CAMSAP2: variants seen among roughly 807,000 people sequenced by gnomAD.
CAMSAP2 encodes calmodulin-regulated spectrin-associated protein 2.
CAMSAP2 carries 26 observed loss-of-function variants against 146.1 expected under a neutral mutation model. The observed-to-expected ratio is 0.18, with a 90% CI of 0.13 to 0.25. CAMSAP2 has a LOEUF of 0.25. Ranked by LOEUF, CAMSAP2 falls within the 10% of genes least tolerant of loss-of-function variation. CAMSAP2 has a pLI of 1.00. For synonymous variants in CAMSAP2, 499 were observed against 596.6 expected (o/e 0.84, Z 2.38); for missense variants, 1,381 against 1,759.3 (o/e 0.78, Z 3.85).
Position 200,857,545 on chromosome 1 carries a change from G to A in CAMSAP2, c.4131+121G>A. ...CATGTAAAAAGATCTGTAGCTAGAT[G>A]TTTTAATTATCAGATTTAGTTTATT... On this transcript the variant is annotated intron_variant, in intron 16 of 16. Coordinates refer to ENST00000358823, the MANE Select transcript of CAMSAP2 (RefSeq NM_203459.4). The surrounding 1 kb of genome is among the most constrained non-coding windows in gnomAD (Gnocchi z 4.7). The A allele has an allele frequency of 1.2e-6, 1 of 808,188 alleles. No homozygotes were observed. Among genetic ancestry groups the A allele is most frequent in the East Asian group, 2.6e-5 (1 of 38,082 alleles). 50.1% of individuals were successfully genotyped at this position (808,188 alleles called of 1,614,324 possible). A position where few individuals can be genotyped will look rare whatever the true frequency, so the allele number is the denominator to read the frequency against.
At chr1:200,843,636 A>C (rs1667383737) in intron 7 of CAMSAP2, among the ~76,000 whole-genome samples, 1 of 152,212 alleles carries the variant, frequency 6.6e-6, no homozygotes. Flanking sequence ...ATCAGATCTC[A>C]AAGTCAAAAA....
intron 1 of CAMSAP2, among the ~76,000 whole-genome samples, chr1:200,746,107 C>G (rs139304711): frequency 3.2e-4 from 48 of 152,232 alleles, no homozygotes; most frequent in African/African-American, 1.1e-3. Flanking sequence ...TTTAGAAAAT[C>G]TCTTGGAATA....
chr1:200,815,952 C>T (rs1165596201), intron 4 of CAMSAP2, among the ~76,000 whole-genome samples: 1 of 152,162 alleles, frequency 6.6e-6, no homozygotes, highest in Non-Finnish European at 1.5e-5. Flanking sequence ...TTTAAATGTT[C>T]AGGCTTTATA....
At chr1:200,775,976 A>G (rs1665267049) in intron 2 of CAMSAP2, among the ~76,000 whole-genome samples, 1 of 151,646 alleles carries the variant, frequency 6.6e-6, no homozygotes, top group Admixed American at 6.6e-5. Flanking sequence ...GCTTTCAAGG[A>G]TCTTTAAAAA....
At chr1:200,814,306 ACCAT>A (rs1022120868) in intron 3 of CAMSAP2, among the ~76,000 whole-genome samples, 2 of 152,042 alleles carry the variant, frequency 1.3e-5, no homozygotes, top group African/African-American at 4.8e-5. Context: ...ACAATGTATT[ACCAT>A]GATAGAAAAT....
Position 200,847,246 on chromosome 1 carries a change from T to G in CAMSAP2, c.1146T>G (p.His382Gln). 1 of 1,612,518 alleles carries G rather than the reference T, an allele frequency of 6.2e-7. No homozygotes were observed. The highest frequency in any genetic ancestry group is 1.3e-5 in the African/African-American group (1 of 75,014). The change falls in exon 9 of 17, where the codon CAT becomes CAG. Residue 382 changes from histidine to glutamine, a missense_variant. By Grantham distance (24) the His-to-Gln change is conservative. Coordinates refer to ENST00000358823, the MANE Select transcript of CAMSAP2 (RefSeq NM_203459.4). ...CTACATTTACACAGTCTCATCATCA[T>G]TTGCCTTCTAGGTATTCACGTCCCC... ...EGATFTQSHH[H>Q]LPSRYSRPQA...
chr1:200,765,112 C>T lies in CAMSAP2; in HGVS notation c.399+4014C>T, dbSNP rs567872648. On this transcript the variant is annotated intron_variant, in intron 2 of 16. Transcript: ENST00000358823. ...GAGTGAGATTCCATCTCAAAAAAAACAAAAAAACAAAAAAACTCAACGTAA... is the reference window on the plus strand; with the variant it reads ...GAGTGAGATTCCATCTCAAAAAAAATAAAAAAACAAAAAAACTCAACGTAA... Among the ~76,000 whole-genome samples, 3 of 151,794 alleles carry T rather than the reference C, an allele frequency of 2.0e-5. No homozygotes were observed. The East Asian group carries it at 5.8e-4, about 29-fold the overall frequency.
At chr1:200,802,688 A>G (rs76212154) in intron 2 of CAMSAP2, among the ~76,000 whole-genome samples, 424 of 152,200 alleles carry the variant, frequency 2.8e-3, no homozygotes, top group African/African-American at 9.4e-3. Flanking sequence ...TTTTTTTTTA[A>G]GTTCTATGTC....
chr1:200,816,410 T>C (rs958532931), intron 4 of CAMSAP2, among the ~76,000 whole-genome samples: 1 of 150,712 alleles, frequency 6.6e-6, no homozygotes, highest in African/African-American at 2.4e-5. Flanking sequence ...CTGCCCAACA[T>C]AGTAAAACCC....
intron 1 of CAMSAP2, among the ~76,000 whole-genome samples, chr1:200,747,933 GC>G (rs1324414991): frequency 6.8e-6 from 1 of 147,218 alleles, no homozygotes; most frequent in Non-Finnish European, 1.5e-5. Context: ...CTTGCAGTGA[GC>G]CGAGATCCTG....
At chr1:200,804,658 C>T (rs1240932656) in intron 2 of CAMSAP2, among the ~76,000 whole-genome samples, 1 of 152,158 alleles carries the variant, frequency 6.6e-6, no homozygotes, top group Non-Finnish European at 1.5e-5. Context: ...GATCCCTGCT[C>T]TCCAGGGATG....
intron 1 of CAMSAP2, among the ~76,000 whole-genome samples, chr1:200,752,101 T>A (rs879936285): frequency 7.9e-5 from 12 of 152,354 alleles, no homozygotes; most frequent in East Asian, 5.8e-4. Flanking sequence ...TGTATTTTTT[T>A]AATTTTATCT....
intron 6 of CAMSAP2, among the ~76,000 whole-genome samples, chr1:200,837,321 T>C (rs1667209724): frequency 6.6e-6 from 1 of 152,188 alleles, no homozygotes; most frequent in Non-Finnish European, 1.5e-5. Context: ...TAGACCGTTA[T>C]CCCAGCACCA....
At chr1:200,783,309 A>G (rs1441389879) in intron 2 of CAMSAP2, among the ~76,000 whole-genome samples, 3 of 152,026 alleles carry the variant, frequency 2.0e-5, no homozygotes, top group African/African-American at 4.8e-5. Flanking sequence ...TGTTTTTTGT[A>G]TGCTTACTGG....
Position 200,807,686 on chromosome 1 carries a change from G to T in CAMSAP2, c.561+149G>T. ...TACACTTAAATTTTTTAGTAAAAAA[G>T]CTTAAAATGATGAAAATAGTTTTCT... On this transcript the variant is annotated intron_variant, in intron 3 of 16. Coordinates refer to ENST00000358823, the MANE Select transcript of CAMSAP2 (RefSeq NM_203459.4). The T allele has an allele frequency of 1.8e-5, 6 of 337,784 alleles. No individual in the cohort carries two copies. In the East Asian group the frequency reaches 2.0e-4, roughly 11 times the overall value. 20.9% of individuals were successfully genotyped at this position (337,784 alleles called of 1,614,324 possible).
intron 2 of CAMSAP2, among the ~76,000 whole-genome samples, chr1:200,801,794 AG>A (rs1308117789): frequency 4.6e-5 from 7 of 152,356 alleles, no homozygotes; most frequent in African/African-American, 1.7e-4. Context: ...GTCAGATGGC[AG>A]TATCTAAGAT....
intron 2 of CAMSAP2, among the ~76,000 whole-genome samples, chr1:200,806,772 T>A: frequency 1.6e-5 from 1 of 62,262 alleles, no homozygotes; most frequent in Non-Finnish European, 5.0e-5. Context: ...TGTGTATCTA[T>A]CTATCTATCT....
chr1:200,742,976 A>G (rs1356298505), intron 1 of CAMSAP2, among the ~76,000 whole-genome samples: 3 of 152,180 alleles, frequency 2.0e-5, no homozygotes, highest in Non-Finnish European at 2.9e-5. Context: ...AAATAGCCCA[A>G]ATTTTAATAG....
rs1558208218 is a variant in CAMSAP2 at position 200,848,581 on chromosome 1, C to A, written c.1812C>A (p.Asp604Glu). The A allele has an allele frequency of 3.7e-6, 6 of 1,614,022 alleles. No individual in the cohort carries two copies. Among genetic ancestry groups the A allele is most frequent in the Non-Finnish European group, 5.1e-6 (6 of 1,179,896 alleles). ...AAGGTGCCTTGAGTCCCATAACTGACAATACTGAAGTAGACACTGGAATTC... is the reference window on the plus strand; with the variant it reads ...AAGGTGCCTTGAGTCCCATAACTGAAAATACTGAAGTAGACACTGGAATTC... ...DTKGALSPIT[D>E]NTEVDTGIHV... The change falls in exon 11 of 17, where the codon GAC becomes GAA. Residue 604 changes from aspartate to glutamate, a missense_variant. Physicochemically the swap from Asp to Glu is conservative, Grantham distance 45 (BLOSUM62 2). Transcript: ENST00000358823.
Sources: gnomAD v4.1 joint callset for allele counts (sites outside exome capture counted in the v4.1 genomes callset) on GRCh38, gnomAD v4.1.1 for gene constraint, Gnocchi (gnomAD v3.1) non-coding constraint, MANE v1.5 for transcripts, NCBI Gene and HGNC (gene_info 2026-07-23, HGNC 2026-07-21) for gene names.